Variants in CDT1 observed in about 807,000 individuals in gnomAD.
The protein encoded by CDT1 is DNA replication factor Cdt1.
A neutral mutation model predicts 49.3 loss-of-function variants in CDT1; 66 were observed. The observed-to-expected ratio is 1.34, with a 90% confidence interval of 1.10 to 1.64. CDT1 has a LOEUF of 1.64. CDT1 is among the 40% of genes most tolerant of loss of function. The pLI, the probability that CDT1 is intolerant of heterozygous loss-of-function variation, is 0.00. For synonymous variants in CDT1, 424 were observed against 347.4 expected (o/e 1.22, Z -2.45); for missense variants, 958 against 807.7 (o/e 1.19, Z -2.26).
rs1390906514 is a variant in CDT1 at position 88,807,156 on chromosome 16, G to A, written c.1228G>A (p.Ala410Thr). 12 of 1,612,564 alleles carry A rather than the reference G, an allele frequency of 7.4e-6. No individual in the cohort carries two copies. The highest frequency in any genetic ancestry group is 1.1e-5 in the South Asian group (1 of 91,042). The change falls in exon 8 of 10, where the codon GCC becomes ACC. Residue 410 changes from alanine to threonine, a missense_variant. By Grantham distance (58) the Ala-to-Thr change is moderately conservative (BLOSUM62 0). Transcript: ENST00000301019. Reference sequence around the variant, plus strand: ...TACCCCACCAGCCACCCCGCCTGCAGCCTCTCCCAGTGCTCTGAAGGGGGT... The same window carrying A: ...TACCCCACCAGCCACCCCGCCTGCAACCTCTCCCAGTGCTCTGAAGGGGGT... ...PATPPATPPA[A>T]SPSALKGVSQ...
rs561655241 is a variant in CDT1 at position 88,804,016 on chromosome 16, C to G, written c.185C>G (p.Ala62Gly). ...RPPAAPGRDQ[A>G]RPPARRRLRL... ...CCCGCCGCCCCCGGACGCGACCAGG[C>G]CAGGCCACCGGCCCGCAGGAGACTG... Residue 62 changes from alanine to glycine, a missense_variant, in exon 1 of 10, where the codon GCC (alanine) becomes GGC (glycine). Physicochemically the swap from Ala to Gly is moderately conservative, Grantham distance 60 (BLOSUM62 0). Transcript: ENST00000301019. 6.8e-7 allele frequency: 1 copy of G among 1,463,938 alleles called. No individual in the cohort carries two copies. Among genetic ancestry groups the G allele is most frequent in the Non-Finnish European group, 9.0e-7 (1 of 1,114,638 alleles). The allele number at this position is 1,463,938 out of a possible 1,614,324, so 90.7% of individuals were successfully genotyped here.
In CDT1 at chr16:88,808,452, G is replaced by A. The variant is rs942893395; in HGVS notation, c.*174G>A. The stretch of plus-strand genomic sequence containing the variant: ...AGCCCGAGGGTCTCTGGCTGCGGGC[G>A]GTGGGCCCCTTCATGGGGCTCACCT... On this transcript the variant is annotated 3_prime_UTR_variant, in exon 10 of 10. Transcript: ENST00000301019. The A allele has an allele frequency of 2.1e-5, 15 of 711,308 alleles. No individual in the cohort carries two copies. The highest frequency in any genetic ancestry group is 8.7e-5 in the Admixed American group (3 of 34,406). The allele number at this position is 711,308 out of a possible 1,614,324, so 44.1% of individuals were successfully genotyped here.
Position 88,808,390 on chromosome 16 carries a change from CT to C in CDT1, c.*113del. On this transcript the variant is annotated 3_prime_UTR_variant, in exon 10 of 10. Coordinates refer to ENST00000301019, the MANE Select transcript of CDT1 (RefSeq NM_030928.4). ...TTTGGCCTTCCTTTCCCCAGCGCCC[CT>C]GAGGGCCAGAGGCAGATGTGGGCTG... The C allele has an allele frequency of 7.8e-7, 1 of 1,286,676 alleles. No individual in the cohort carries two copies. Among genetic ancestry groups the C allele is most frequent in the Non-Finnish European group, 1.1e-6 (1 of 940,860 alleles). 79.7% of individuals were successfully genotyped at this position (1,286,676 alleles called of 1,614,324 possible). A position where few individuals can be genotyped will look rare whatever the true frequency, so the allele number is the denominator to read the frequency against.
chr16:88,805,034 A>G, intron 3 of CDT1, 136 bp downstream of exon 3: 2 of 1,222,338 alleles, frequency 1.6e-6, no homozygotes, highest in Non-Finnish European at 2.2e-6. Context: ...GCGCGGACCC[A>G]GACCCCTGAG....
At position 88,804,833 on chromosome 16, in the gene CDT1, G is replaced by C. The variant is rs147217711; in HGVS notation, c.423G>C (p.Lys141Asn). The change falls in exon 3 of 10, where the codon AAG becomes AAC. Residue 141 changes from lysine (K) to asparagine (N), a missense_variant. Physicochemically the swap from Lys to Asn is moderately conservative, Grantham distance 94. Transcript: ENST00000301019. The stretch of plus-strand genomic sequence containing the variant: ...TGGGGGCAAGAGTCCGGGCGCTGAA[G>C]GCCAGTGCCCAGGATGCTGGGGAGT... The part of the protein sequence containing the change: ...RELGARVRAL[K>N]ASAQDAGESC... The C allele has an allele frequency of 6.2e-7, 1 of 1,612,192 alleles. No individual in the cohort carries two copies. The highest frequency in any genetic ancestry group is 2.2e-5 in the East Asian group (1 of 44,842).
intron 3 of CDT1, 101 bp from the exon 4 acceptor site, chr16:88,805,339 T>C (rs919063316): frequency 4.8e-5 from 67 of 1,383,034 alleles, no homozygotes; most frequent in Non-Finnish European, 6.4e-5. Flanking sequence ...GTGTGTGGCA[T>C]GGCAGGCCCC....
At chr16:88,804,692 T>TG in intron 2 of CDT1, 25 bp downstream of exon 2, 1 of 1,612,228 alleles carries the variant, frequency 6.2e-7, no homozygotes. Flanking sequence ...CTGGGGCAGA[T>TG]GCGGGAGGGC....
Position 88,804,629 on chromosome 16 carries a change from G to A in CDT1, c.313G>A (p.Ala105Thr). The change falls in exon 2 of 10, where the codon GCA becomes ACA. Residue 105 changes from alanine (A) to threonine (T), a missense_variant. Transcript: ENST00000301019. ...GAAGATAAAGAAATCCACCCCGGCAGCAGGTCAGCCGCCCCACCTGACATC... is the reference window on the plus strand; with the variant it reads ...GAAGATAAAGAAATCCACCCCGGCAACAGGTCAGCCGCCCCACCTGACATC... ...GQKIKKSTPA[A>T]GQPPHLTSAQ... 1 of 1,612,720 alleles carries A rather than the reference G, an allele frequency of 6.2e-7. No homozygotes were observed. Among genetic ancestry groups the A allele is most frequent in the Non-Finnish European group, 8.5e-7 (1 of 1,179,834 alleles).
chr16:88,807,481 T>G lies in CDT1; in HGVS notation c.1476T>G (p.Pro492=). 6.2e-7 allele frequency: 1 copy of G among 1,612,802 alleles called. No homozygotes were observed. Among genetic ancestry groups the G allele is most frequent in the South Asian group, 1.1e-5 (1 of 91,060 alleles). The part of the protein sequence containing the change: ...MVGSCCTIMS[P]GEMEKHLLLL... ...GCAGCTGTTGTACTATCATGAGCCC[T>G]GGTACGTGCAGGGCGGGGTGAAGGG... Residue 492 remains proline (P), a splice_region_variant and synonymous_variant, in exon 9 of 10, where the codon CCT becomes CCG. Coordinates refer to ENST00000301019, the MANE Select transcript of CDT1 (RefSeq NM_030928.4).
At chr16:88,804,740 G>T (rs1309754916) in intron 2 of CDT1, 22 bp from the exon 3 acceptor site, 2 of 1,612,792 alleles carry the variant, frequency 1.2e-6, no homozygotes, top group Non-Finnish European at 8.5e-7. Flanking sequence ...TGACGGCACC[G>T]TGTCCCCTGA....
In CDT1 at chr16:88,805,630, A is replaced by G. The variant is rs377465796; in HGVS notation, c.679A>G (p.Met227Val). 7 of 1,612,532 alleles carry G rather than the reference A, an allele frequency of 4.3e-6. No homozygotes were observed. In the African/African-American group the frequency reaches 5.3e-5, roughly 12 times the overall value. Residue 227 changes from methionine to valine, a missense_variant, in exon 4 of 10, where the codon ATG becomes GTG. Transcript: ENST00000301019. ...AKVQRGVQDM[M>V]RRRFEECNVG... Reference sequence around the variant, plus strand: ...GGTCCAGCGGGGCGTCCAGGACATGATGCGTAGGTGAGTGGCCGGGGGTGG... The same window carrying G: ...GGTCCAGCGGGGCGTCCAGGACATGGTGCGTAGGTGAGTGGCCGGGGGTGG...
Position 88,805,771 on chromosome 16 carries a change from C to T in CDT1, c.734C>T (p.Ala245Val), listed in dbSNP as rs1364374363. 10 of 1,613,006 alleles carry T rather than the reference C, an allele frequency of 6.2e-6. No homozygotes were observed. The highest frequency in any genetic ancestry group is 1.6e-4 in the Middle Eastern group (1 of 6,080). The change falls in exon 5 of 10, where the codon GCC becomes GTC. Residue 245 changes from alanine to valine, a missense_variant. Coordinates refer to ENST00000301019, the MANE Select transcript of CDT1 (RefSeq NM_030928.4). ...GGCCAGATCAAAACCGTGTACCCGGCCTCCTACCGCTTCCGCCAGGAGCGC... is the reference window on the plus strand; with the variant it reads ...GGCCAGATCAAAACCGTGTACCCGGTCTCCTACCGCTTCCGCCAGGAGCGC... ...NVGQIKTVYP[A>V]SYRFRQERSV...
chr16:88,804,759 A>C lies in CDT1; in HGVS notation c.352-3A>C. ...GGCACCGTGTCCCCTGATCCCCCTG[A>C]AGGACACCATCTCTGAGCTTGCGTC... On this transcript the variant is annotated splice_region_variant and splice_polypyrimidine_tract_variant and intron_variant, in intron 2 of 9. Transcript: ENST00000301019. 1 of 1,612,802 alleles carries C rather than the reference A, an allele frequency of 6.2e-7. No individual in the cohort carries two copies. Among genetic ancestry groups the C allele is most frequent in the Non-Finnish European group, 8.5e-7 (1 of 1,179,862 alleles).
Position 88,806,343 on chromosome 16 carries a change from C to T in CDT1, c.934-143C>T. 3.5e-6 allele frequency: 4 copies of T among 1,137,028 alleles called. No individual in the cohort carries two copies. The South Asian group carries it at 4.0e-5, about 11-fold the overall frequency. The allele number at this position is 1,137,028 out of a possible 1,614,324, so 70.4% of individuals were successfully genotyped here. ...CGCGGACCATGGGAGGCCTTGTGCTCTCCCTCCAAGCTGAGCACTGGGCAG... is the reference window on the plus strand; with the variant it reads ...CGCGGACCATGGGAGGCCTTGTGCTTTCCCTCCAAGCTGAGCACTGGGCAG... On this transcript the variant is annotated intron_variant, in intron 6 of 9. Coordinates refer to ENST00000301019, the MANE Select transcript of CDT1 (RefSeq NM_030928.4).
chr16:88,807,568 C>T (rs1908914900), intron 9 of CDT1, 86 bp downstream of exon 9: 3 of 1,276,546 alleles, frequency 2.4e-6, no homozygotes, highest in Admixed American at 3.8e-5. Flanking sequence ...GCAGAGGTGT[C>T]TGTCACTGAT....
Position 88,803,943 on chromosome 16 carries a change from C to G in CDT1, c.112C>G (p.Arg38Gly), listed in dbSNP as rs1908747119. 44 of 1,401,766 alleles carry G rather than the reference C, an allele frequency of 3.1e-5. No individual in the cohort carries two copies. Among genetic ancestry groups the G allele is most frequent in the Non-Finnish European group, 4.0e-5 (43 of 1,078,468 alleles). 86.8% of individuals were successfully genotyped at this position (1,401,766 alleles called of 1,614,324 possible). A position where few individuals can be genotyped will look rare whatever the true frequency, so the allele number is the denominator to read the frequency against. Residue 38 changes from arginine (R) to glycine (G), a missense_variant, in exon 1 of 10, where the codon CGC becomes GGC. Coordinates refer to ENST00000301019, the MANE Select transcript of CDT1 (RefSeq NM_030928.4). ...CCCCAGCCCCGCCAGGCCCGCACTC[C>G]GCGCCCCGGCCTCCGCTACCAGTGG... ...RTPSPARPAL[R>G]APASATSGSR...
rs745736181 is a variant in CDT1 at position 88,804,914 on chromosome 16, G to A, written c.488+16G>A. On this transcript the variant is annotated intron_variant, in intron 3 of 9. Coordinates refer to ENST00000301019, the MANE Select transcript of CDT1 (RefSeq NM_030928.4). ...AGGAGCCATGGTGAGTGCTGGGTGG[G>A]CGGCCACGAGGCCCCGGCAAAGGCC... 1.3e-6 allele frequency: 2 copies of A among 1,543,444 alleles called. No homozygotes were observed. The highest frequency in any genetic ancestry group is 2.4e-5 in the East Asian group (1 of 41,022).
rs767281419 is a variant in CDT1 at position 88,805,754 on chromosome 16, C to G, written c.717C>G (p.Ile239Met). The G allele has an allele frequency of 6.2e-7, 1 of 1,613,106 alleles. No individual in the cohort carries two copies. The highest frequency in any genetic ancestry group is 1.1e-5 in the South Asian group (1 of 91,092). The part of the protein sequence containing the change: ...RRFEECNVGQ[I>M]KTVYPASYRF... ...TTGAGGAGTGCAATGTTGGCCAGAT[C>G]AAAACCGTGTACCCGGCCTCCTACC... Residue 239 changes from isoleucine (I) to methionine (M), a missense_variant, in exon 5 of 10, where the codon ATC becomes ATG. Physicochemically the swap from Ile to Met is conservative, Grantham distance 10 (BLOSUM62 1). Transcript: ENST00000301019.
rs374891839 is a variant in CDT1, at chr16:88,805,648, G to A, written c.686+11G>A. ...GGACATGATGCGTAGGTGAGTGGCC[G>A]GGGGTGGGCTGTGGCTGTCCTGGAG... On this transcript the variant is annotated intron_variant, in intron 4 of 9. Coordinates refer to ENST00000301019, the MANE Select transcript of CDT1 (RefSeq NM_030928.4). 28 of 1,612,436 alleles carry A rather than the reference G, an allele frequency of 1.7e-5. No individual in the cohort carries two copies. The highest frequency in any genetic ancestry group is 4.0e-5 in the African/African-American group (3 of 74,932).
Sources: gnomAD v4.1 joint callset for allele counts on GRCh38, gnomAD v4.1.1 for gene constraint, MANE v1.5 for transcripts, NCBI Gene and HGNC (gene_info 2026-07-23, HGNC 2026-07-21) for gene names.